The following FOXP1 variants were observed in gnomAD, a reference collection of about 807,000 sequenced individuals.
The protein encoded by FOXP1 is forkhead box protein P1.
In FOXP1, 15 loss-of-function variants were observed where a neutral mutation model predicts 98.2. The ratio of observed to expected loss-of-function variants is 0.15; its 90% confidence interval spans 0.10 to 0.24. The LOEUF is 0.24. FOXP1 is among the 10% of genes least tolerant of loss of function. The probability of loss-of-function intolerance (pLI) is 1.00; values close to 1 mark genes in which losing one functional copy is unlikely to be tolerated. For synonymous variants in FOXP1, 371 were observed against 314.5 expected (o/e 1.18, Z -1.90); for missense variants, 633 against 848.5 (o/e 0.75, Z 3.15).
At chr3:71,059,808 G>T (rs1354553062) in intron 7 of FOXP1, among the ~76,000 whole-genome samples, 3 of 152,078 alleles carry the variant, frequency 2.0e-5, no homozygotes, top group African/African-American at 7.2e-5. Flanking sequence ...TCTATCCACA[G>T]ATCTTTAGTT....
chr3:71,542,540 T>C (rs538236430), intron 2 of FOXP1, among the ~76,000 whole-genome samples: 15 of 152,356 alleles, frequency 9.8e-5, no homozygotes, highest in Admixed American at 7.8e-4. Flanking sequence ...GAAAATGATT[T>C]CCCTGCCTCT....
chr3:71,019,099 A>G (rs866054292), intron 11 of FOXP1, among the ~76,000 whole-genome samples: 9 of 152,334 alleles, frequency 5.9e-5, no homozygotes, highest in Middle Eastern at 6.8e-3. Context: ...TTTTCTCAAA[A>G]AAGTGGAACA....
At chr3:71,041,253 A>C in intron 11 of FOXP1, 75 bp downstream of exon 11, 4 of 1,131,116 alleles carry the variant, frequency 3.5e-6, no homozygotes, top group South Asian at 2.5e-5. Flanking sequence ...GATCACTGAG[A>C]TATGACGAGG....
At chr3:71,503,738 C>G (rs1280463996) in intron 2 of FOXP1, among the ~76,000 whole-genome samples, 1 of 152,040 alleles carries the variant, frequency 6.6e-6, no homozygotes, top group Non-Finnish European at 1.5e-5. Context: ...ACACAGGAAG[C>G]CTGTATGGAG....
intron 4 of FOXP1, among the ~76,000 whole-genome samples, chr3:71,356,793 G>A (rs1250803846): frequency 6.6e-6 from 1 of 152,266 alleles, no homozygotes; most frequent in South Asian, 2.1e-4. Context: ...AGGCATCCAA[G>A]GAGTTTCTGC....
chr3:71,373,565 A>G (rs995914413), intron 3 of FOXP1, among the ~76,000 whole-genome samples: 1 of 152,222 alleles, frequency 6.6e-6, no homozygotes, highest in Admixed American at 6.5e-5. Context: ...AAAAATCATT[A>G]AAATGCACTA....
chr3:71,454,136 G>T (rs1017741639), intron 3 of FOXP1, among the ~76,000 whole-genome samples: 3 of 152,160 alleles, frequency 2.0e-5, no homozygotes, highest in Admixed American at 6.5e-5. Flanking sequence ...TGACCCTGGA[G>T]TTTAGAACTA....
At chr3:71,410,229 T>C (rs577230692) in intron 3 of FOXP1, among the ~76,000 whole-genome samples, 115 of 152,294 alleles carry the variant, frequency 7.6e-4, no homozygotes, top group Non-Finnish European at 1.2e-3. Context: ...TACGAGTTAT[T>C]TTCCTTTTCA....
At chr3:71,457,735 T>C (rs2087639439) in intron 3 of FOXP1, among the ~76,000 whole-genome samples, 1 of 152,232 alleles carries the variant, frequency 6.6e-6, no homozygotes, top group South Asian at 2.1e-4. Context: ...AAATTTGCAG[T>C]TGCTCTGACA....
intron 4 of FOXP1, among the ~76,000 whole-genome samples, chr3:71,342,753 T>G (rs2077087478): frequency 6.6e-6 from 1 of 152,050 alleles, no homozygotes; most frequent in African/African-American, 2.4e-5. Flanking sequence ...TTTTAAATTT[T>G]GAAATAATTA....
rs556783856 is a variant in FOXP1, at chr3:71,176,616, C to CT, written c.180+21585dup. ...GCTGGCTGGGCCTGGTGGCATGTGCCTGTAGCTTCACCTACTTGAGAGGCT... is the reference window on the plus strand; with the variant it reads ...GCTGGCTGGGCCTGGTGGCATGTGCCTTGTAGCTTCACCTACTTGAGAGGCT... On this transcript the variant is annotated intron_variant, in intron 6 of 20. Coordinates refer to ENST00000649528, the MANE Select transcript of FOXP1 (RefSeq NM_001349338.3). 4.4e-3 allele frequency among the ~76,000 whole-genome samples: 662 copies of CT among 152,182 alleles called. 8 individuals are homozygous for CT. The highest frequency in any genetic ancestry group is 0.015 in the African/African-American group (637 of 41,494).
At chr3:71,073,586 T>C (rs2053495534) in intron 7 of FOXP1, among the ~76,000 whole-genome samples, 1 of 152,236 alleles carries the variant, frequency 6.6e-6, no homozygotes, top group Non-Finnish European at 1.5e-5. Flanking sequence ...CACAAAAGTT[T>C]ATATTATCCG....
intron 19 of FOXP1, chr3:70,969,120 C>CTTTTTTTTTT (rs5849972): frequency 7.0e-6 from 1 of 142,720 alleles, no homozygotes; most frequent in Non-Finnish European, 1.5e-5. Flanking sequence ...TGGAGGATCA[C>CTTTTTTTTTT]TTTTTTTTTT....
chr3:71,179,088 G>C (rs946708346), intron 6 of FOXP1, among the ~76,000 whole-genome samples: 1 of 149,452 alleles, frequency 6.7e-6, no homozygotes, highest in Admixed American at 6.7e-5. Context: ...ATTGAAACTA[G>C]GATGGCCTAC....
At chr3:71,547,426 G>A (rs2045448770) in intron 2 of FOXP1, among the ~76,000 whole-genome samples, 1 of 152,212 alleles carries the variant, frequency 6.6e-6, no homozygotes. Flanking sequence ...AGAAGGTAGA[G>A]GTGGGGCCTC....
intron 5 of FOXP1, among the ~76,000 whole-genome samples, chr3:71,211,406 A>T (rs1482708169): frequency 1.3e-5 from 2 of 152,002 alleles, no homozygotes; most frequent in African/African-American, 4.8e-5. Flanking sequence ...GGGTTTCATC[A>T]TGTTGGCCAA....
At chr3:71,068,445 A>G (rs1404481803) in intron 7 of FOXP1, among the ~76,000 whole-genome samples, 1 of 152,142 alleles carries the variant, frequency 6.6e-6, no homozygotes, top group Non-Finnish European at 1.5e-5. Flanking sequence ...ACACTGATGA[A>G]TGGCCCTGTG....
At chr3:71,120,873 G>T (rs1261592804) in intron 6 of FOXP1, among the ~76,000 whole-genome samples, 3 of 152,102 alleles carry the variant, frequency 2.0e-5, no homozygotes, top group Non-Finnish European at 4.4e-5. Context: ...GGTTATCATT[G>T]CTATGATGCC....
chr3:71,165,063 G>GA (rs1451578040), intron 6 of FOXP1, among the ~76,000 whole-genome samples: 1 of 152,024 alleles, frequency 6.6e-6, no homozygotes, highest in Non-Finnish European at 1.5e-5. Context: ...CATTTAAACG[G>GA]AAAGTGAACT....
Sources: gnomAD v4.1 joint callset for allele counts (sites outside exome capture counted in the v4.1 genomes callset) on GRCh38, gnomAD v4.1.1 for gene constraint, MANE v1.5 for transcripts, NCBI Gene and HGNC (gene_info 2026-07-23, HGNC 2026-07-21) for gene names.